The following C12orf54 variants were observed in gnomAD, a reference collection of about 807,000 sequenced individuals.
The protein encoded by C12orf54 is uncharacterized protein C12orf54.
In C12orf54, 24 loss-of-function variants were observed where a neutral mutation model predicts 26.4. That is an observed-to-expected ratio of 0.91 (90% CI 0.66 to 1.28). The LOEUF (loss-of-function observed/expected upper bound fraction) is 1.28. Ranked by LOEUF, C12orf54 falls within the 50% of genes most tolerant of loss-of-function variation. The probability of loss-of-function intolerance (pLI) is 0.00; values close to 1 mark genes in which losing one functional copy is unlikely to be tolerated. For synonymous variants in C12orf54, 54 were observed against 47.0 expected (o/e 1.15, Z -0.61); for missense variants, 154 against 150.9 (o/e 1.02, Z -0.11).
At chr12:48,474,114 A>C in the C12orf54 span, among the ~76,000 whole-genome samples, 1 of 152,222 alleles carries the variant, frequency 6.6e-6, no homozygotes, top group African/African-American at 2.4e-5. Flanking sequence ...TGAAGAAACA[A>C]ACCCTCAAAC....
the C12orf54 span, among the ~76,000 whole-genome samples, chr12:48,419,644 T>G: frequency 5.9e-5 from 9 of 152,102 alleles, no homozygotes; most frequent in Admixed American, 4.6e-4. Context: ...GAGAGCTCAA[T>G]GACAAAGAAA....
At chr12:48,435,907 A>G in the C12orf54 span, among the ~76,000 whole-genome samples, 1 of 152,134 alleles carries the variant, frequency 6.6e-6, no homozygotes, top group East Asian at 1.9e-4. Flanking sequence ...CACAAATAAT[A>G]ATAATAATGT....
the C12orf54 span, among the ~76,000 whole-genome samples, chr12:48,457,467 G>T: frequency 6.6e-6 from 1 of 151,968 alleles, no homozygotes; most frequent in Non-Finnish European, 1.5e-5. Flanking sequence ...CTGAGTAGCT[G>T]GGATTACAGG....
At chr12:48,445,312 C>G in the C12orf54 span, among the ~76,000 whole-genome samples, 6 of 151,362 alleles carry the variant, frequency 4.0e-5, no homozygotes, top group Non-Finnish European at 7.4e-5. Context: ...ACTCCCTGGG[C>G]TTGCATTAAG....
At chr12:48,431,884 G>A in the C12orf54 span, among the ~76,000 whole-genome samples, 1 of 152,154 alleles carries the variant, frequency 6.6e-6, no homozygotes, top group Non-Finnish European at 1.5e-5. Flanking sequence ...TCCTGAGATT[G>A]GTGGTAGTGA....
the C12orf54 span, among the ~76,000 whole-genome samples, chr12:48,477,495 T>A: frequency 1.4e-4 from 21 of 152,020 alleles, no homozygotes; most frequent in African/African-American, 5.1e-4. Context: ...TTGATAGACC[T>A]CTAGCAAGAC....
At chr12:48,420,314 T>C in the C12orf54 span, among the ~76,000 whole-genome samples, 1 of 152,252 alleles carries the variant, frequency 6.6e-6, no homozygotes, top group Non-Finnish European at 1.5e-5. Flanking sequence ...CTTATATGTA[T>C]GGATGTATTG....
At chr12:48,434,645 C>T in the C12orf54 span, among the ~76,000 whole-genome samples, 7 of 152,202 alleles carry the variant, frequency 4.6e-5, no homozygotes, top group South Asian at 2.1e-4. Context: ...GATACCCAGG[C>T]AAACAGGGTC....
At chr12:48,477,359 A>T in the C12orf54 span, among the ~76,000 whole-genome samples, 1 of 152,198 alleles carries the variant, frequency 6.6e-6, no homozygotes, top group Non-Finnish European at 1.5e-5. Flanking sequence ...GAGCAAACAC[A>T]TTCAAAAGCT....
chr12:48,425,007 T>C, the C12orf54 span, among the ~76,000 whole-genome samples: 1 of 152,106 alleles, frequency 6.6e-6, no homozygotes, highest in Admixed American at 6.6e-5. Flanking sequence ...TCAAAAATGA[T>C]CAAATTGTAA....
chr12:48,454,567 T>G, the C12orf54 span, among the ~76,000 whole-genome samples: 5 of 152,212 alleles, frequency 3.3e-5, no homozygotes, highest in African/African-American at 1.2e-4. Flanking sequence ...GCCTGTGGCC[T>G]GCTTTCTGTC....
the C12orf54 span, among the ~76,000 whole-genome samples, chr12:48,414,737 C>T: frequency 6.6e-6 from 1 of 152,134 alleles, no homozygotes; most frequent in Non-Finnish European, 1.5e-5. Flanking sequence ...GTGACCTGGG[C>T]CCCTGGGATG....
chr12:48,416,007 C>T, the C12orf54 span, among the ~76,000 whole-genome samples: 3 of 152,078 alleles, frequency 2.0e-5, no homozygotes, highest in African/African-American at 7.2e-5. Flanking sequence ...TACCTTGAGC[C>T]CTCTCTCTCT....
the C12orf54 span, among the ~76,000 whole-genome samples, chr12:48,420,138 C>G: frequency 3.3e-5 from 5 of 151,724 alleles, no homozygotes; most frequent in South Asian, 2.1e-4. Context: ...GAATGTGATG[C>G]AAATAAAGAC....
chr12:48,455,450 C>A, the C12orf54 span, among the ~76,000 whole-genome samples: 1 of 152,088 alleles, frequency 6.6e-6, no homozygotes, highest in Non-Finnish European at 1.5e-5. Flanking sequence ...GTTTTGACTG[C>A]CAATTTTAAG....
chr12:48,472,821 G>A, the C12orf54 span: 2 of 1,614,128 alleles, frequency 1.2e-6, no homozygotes, highest in Non-Finnish European at 1.7e-6. Context: ...AATCAACATA[G>A]GCCTCACCTC....
the C12orf54 span, among the ~76,000 whole-genome samples, chr12:48,450,468 A>G: frequency 2.9e-3 from 437 of 152,338 alleles, 1 homozygote; most frequent in African/African-American, 9.7e-3. Flanking sequence ...AGCAGAACAC[A>G]AGAAATAGCC....
At chr12:48,489,247 A>G (rs924102478) in intron 5 of C12orf54, 3 of 587,192 alleles carry the variant, frequency 5.1e-6, no homozygotes, top group Non-Finnish European at 9.6e-6. Context: ...GCTGATAATG[A>G]CTAAGCTGGG....
the C12orf54 span, among the ~76,000 whole-genome samples, chr12:48,419,428 C>A: frequency 2.0e-3 from 302 of 152,208 alleles, no homozygotes; most frequent in African/African-American, 6.6e-3. Context: ...TGCAGTGATC[C>A]GCACAATTAA....
Sources: allele counts gnomAD v4.1 joint callset (sites outside exome capture counted in the v4.1 genomes callset), GRCh38; gene constraint gnomAD v4.1.1; transcripts MANE v1.5; gene names NCBI Gene and HGNC (gene_info 2026-07-23, HGNC 2026-07-21).